MEI4: variants seen among roughly 807,000 people sequenced by gnomAD.
MEI4 encodes meiosis-specific protein MEI4.
Under a neutral mutation model 31.4 loss-of-function variants are expected in MEI4, and 27 were observed. The ratio of observed to expected loss-of-function variants is 0.86; its 90% CI spans 0.63 to 1.19. The LOEUF (loss-of-function observed/expected upper bound fraction) is 1.19, where lower values mean the gene tolerates loss of function less well. MEI4 is among the 50% of genes most tolerant of loss of function. The pLI, the probability that MEI4 is intolerant of heterozygous loss-of-function variation, is 0.00. For synonymous variants in MEI4, 122 were observed against 145.4 expected, an observed-to-expected ratio of 0.84 and a Z score of 1.16; for missense variants, 329 against 398.9, an observed-to-expected ratio of 0.82 and a Z score of 1.49.
intron 2 of MEI4, among the ~76,000 whole-genome samples, chr6:77,714,206 C>T (rs1513023): frequency 0.032 from 4,862 of 150,838 alleles, 265 homozygotes; most frequent in African/African-American, 0.11. Flanking sequence ...CACTCCATGA[C>T]ACAAGTTTAC....
intron 2 of MEI4, among the ~76,000 whole-genome samples, chr6:77,726,688 A>G (rs1435413194): frequency 1.3e-5 from 2 of 152,194 alleles, no homozygotes; most frequent in Admixed American, 6.5e-5. Context: ...TGTGGGATGT[A>G]GGAGAGAGGA....
chr6:77,747,321 A>T (rs952345160), intron 2 of MEI4, among the ~76,000 whole-genome samples: 11 of 152,176 alleles, frequency 7.2e-5, no homozygotes, highest in African/African-American at 2.4e-4. Context: ...TCCATCTAAA[A>T]AAAAAGAAAA....
chr6:77,810,748 A>T (rs1769558101), intron 3 of MEI4, among the ~76,000 whole-genome samples: 1 of 152,184 alleles, frequency 6.6e-6, no homozygotes, highest in Non-Finnish European at 1.5e-5. Flanking sequence ...ATAGCCACAA[A>T]ATATACAAGG....
chr6:77,769,746 G>A (rs114306729), intron 3 of MEI4, among the ~76,000 whole-genome samples: 108 of 152,182 alleles, frequency 7.1e-4, no homozygotes, highest in African/African-American at 2.6e-3. Context: ...CACACCATGG[G>A]CCAGAAGGGA....
rs113102166 is a variant in MEI4 at position 77,846,819 on chromosome 6, A to G, written c.900+17757A>G. Among the ~76,000 whole-genome samples, 787 of 152,248 alleles carry G rather than the reference A, an allele frequency of 5.2e-3. 7 individuals are homozygous for G. The highest frequency in any genetic ancestry group is 0.018 in the African/African-American group (765 of 41,542). ...CAGAGAAACTGGAGTCTAAGCATTG[A>G]CAGTTCAAGGGCCTTTGTTACATCT... On this transcript the variant is annotated intron_variant, in intron 4 of 4. Transcript: ENST00000684080.
intron 3 of MEI4, among the ~76,000 whole-genome samples, chr6:77,811,875 A>G (rs528457971): frequency 2.6e-5 from 4 of 152,330 alleles, no homozygotes; most frequent in African/African-American, 9.6e-5. Flanking sequence ...ATGCAGATAA[A>G]GATGCTATAC....
intron 4 of MEI4, among the ~76,000 whole-genome samples, chr6:77,891,147 T>A (rs977747453): frequency 1.3e-5 from 2 of 152,224 alleles, no homozygotes; most frequent in African/African-American, 4.8e-5. Flanking sequence ...CTTTTTGGGA[T>A]TCTTTGAGCT....
intron 4 of MEI4, among the ~76,000 whole-genome samples, chr6:77,853,059 G>A (rs1001930702): frequency 2.0e-5 from 3 of 152,060 alleles, no homozygotes; most frequent in African/African-American, 4.8e-5. Flanking sequence ...CTAGCCAGAC[G>A]TGGTGGCACA....
At chr6:77,731,690 T>A (rs1439368628) in intron 2 of MEI4, among the ~76,000 whole-genome samples, 9 of 151,476 alleles carry the variant, frequency 5.9e-5, no homozygotes, top group African/African-American at 2.2e-4. Flanking sequence ...GTTTTAGACA[T>A]GAAGTCCTTG....
chr6:77,871,815 TTCC>T (rs1771200744), intron 4 of MEI4, among the ~76,000 whole-genome samples: 1 of 152,206 alleles, frequency 6.6e-6, no homozygotes, highest in African/African-American at 2.4e-5. Flanking sequence ...GTCACATTTC[TTCC>T]TCAAGATTTT....
intron 1 of MEI4, among the ~76,000 whole-genome samples, chr6:77,672,028 A>G (rs1415121795): frequency 3.9e-5 from 6 of 152,202 alleles, no homozygotes; most frequent in Non-Finnish European, 8.8e-5. Flanking sequence ...TGACATGCAT[A>G]TAGAGCTAGC....
intron 3 of MEI4, among the ~76,000 whole-genome samples, chr6:77,801,358 T>C (rs571743456): frequency 1.4e-4 from 22 of 152,332 alleles, no homozygotes; most frequent in African/African-American, 5.0e-4. Flanking sequence ...TCATTTTTTA[T>C]CACGTCTATT....
chr6:77,711,890 C>G (rs1247496800), intron 2 of MEI4, among the ~76,000 whole-genome samples: 1 of 152,118 alleles, frequency 6.6e-6, no homozygotes, highest in African/African-American at 2.4e-5. Context: ...TTGGGGTATA[C>G]TTTTGAAACA....
chr6:77,675,489 C>A (rs1768826283), intron 1 of MEI4, among the ~76,000 whole-genome samples: 1 of 151,156 alleles, frequency 6.6e-6, no homozygotes, highest in South Asian at 2.1e-4. Context: ...TAAAAGTGCC[C>A]CTTAAGGCAT....
At chr6:77,756,696 A>G (rs1767928567) in intron 2 of MEI4, among the ~76,000 whole-genome samples, 1 of 130,866 alleles carries the variant, frequency 7.6e-6, no homozygotes. Context: ...CCTTCTCTCT[A>G]TTTCTATTTC....
chr6:77,776,864 T>A (rs201510145), intron 3 of MEI4, among the ~76,000 whole-genome samples: 1 of 152,194 alleles, frequency 6.6e-6, no homozygotes, highest in East Asian at 1.9e-4. Context: ...AGTCATTGAT[T>A]GTTTTAGATT....
chr6:77,885,599 A>G (rs1581951760), intron 4 of MEI4, among the ~76,000 whole-genome samples: 2 of 152,130 alleles, frequency 1.3e-5, no homozygotes, highest in South Asian at 2.1e-4. Flanking sequence ...TAAATGTAAG[A>G]TCACATCATC....
At chr6:77,792,817 A>G (rs1005781841) in intron 3 of MEI4, among the ~76,000 whole-genome samples, 1 of 151,704 alleles carries the variant, frequency 6.6e-6, no homozygotes, top group Non-Finnish European at 1.5e-5. Context: ...GGTTCACACC[A>G]TTCTCCTGCC....
Position 77,712,302 on chromosome 6 carries a change from G to A in MEI4, c.232+21399G>A, listed in dbSNP as rs139647174. Among the ~76,000 whole-genome samples the A allele has an allele frequency of 1.6e-4, 25 of 152,078 alleles. 1 individual carries two copies. The South Asian group carries it at 4.4e-3, about 27-fold the overall frequency. On this transcript the variant is annotated intron_variant, in intron 2 of 4. Coordinates refer to ENST00000684080, the MANE Select transcript of MEI4 (RefSeq NM_001322247.2). ...TAATACTGTTAATAAACAACTTTTC[G>A]AACAGTTCCAAGCTGTTAAATTTAC...
Sources: gnomAD v4.1 joint callset for allele counts (sites outside exome capture counted in the v4.1 genomes callset) on GRCh38, gnomAD v4.1.1 for gene constraint, MANE v1.5 for transcripts, NCBI Gene and HGNC (gene_info 2026-07-23, HGNC 2026-07-21) for gene names.